The following WRN variants were observed in gnomAD, a reference collection of about 807,000 sequenced individuals.
WRN encodes bifunctional 3'-5' exonuclease/ATP-dependent helicase WRN.
WRN carries 149 observed loss-of-function variants against 180.7 expected under a neutral mutation model. The ratio of observed to expected loss-of-function variants is 0.82; its 90% confidence interval spans 0.72 to 0.94. The LOEUF (loss-of-function observed/expected upper bound fraction) is 0.94, where lower values mean the gene tolerates loss of function less well. Ranked by LOEUF, WRN falls within the 40% of genes least tolerant of loss-of-function variation. The pLI, the probability that WRN is intolerant of heterozygous loss-of-function variation, is 0.00. For missense variants in WRN, 1,661 were observed against 1,700.1 expected (o/e 0.98, Z 0.40); for synonymous variants, 548 against 568.9 (o/e 0.96, Z 0.52).
At chr8:31,128,187 T>C (rs1213959241) in intron 23 of WRN, among the ~76,000 whole-genome samples, 1 of 152,144 alleles carries the variant, frequency 6.6e-6, no homozygotes, top group African/African-American at 2.4e-5. Flanking sequence ...GAGAATTTGA[T>C]ATAATTTTAA....
intron 15 of WRN, 87 bp from the exon 16 acceptor site, chr8:31,091,743 A>T: frequency 7.9e-7 from 1 of 1,258,716 alleles, no homozygotes; most frequent in South Asian, 1.3e-5. Flanking sequence ...ATAAATTATT[A>T]TATTTCTTTA....
At chr8:31,092,093 A>G (rs983057322) in intron 16 of WRN, among the ~76,000 whole-genome samples, 195 bp downstream of exon 16, 1 of 152,108 alleles carries the variant, frequency 6.6e-6, no homozygotes, top group Non-Finnish European at 1.5e-5. Context: ...TGAAAAAAAA[A>G]GTCCATGATT....
intron 6 of WRN, 49 bp downstream of exon 6, chr8:31,067,231 A>T: frequency 6.2e-7 from 1 of 1,602,288 alleles, no homozygotes. Context: ...TAAAAACATT[A>T]TTATAAATGA....
intron 20 of WRN, among the ~76,000 whole-genome samples, chr8:31,117,976 ATCTT>A: frequency 6.6e-6 from 1 of 152,302 alleles, no homozygotes; most frequent in African/African-American, 2.4e-5. Flanking sequence ...GTACTACTGA[ATCTT>A]AATAATCAAT....
intron 3 of WRN, among the ~76,000 whole-genome samples, chr8:31,059,771 T>C (rs1812415926): frequency 6.6e-6 from 1 of 152,136 alleles, no homozygotes; most frequent in African/African-American, 2.4e-5. Flanking sequence ...AACTAAACAT[T>C]AGAGGCCAGG....
intron 23 of WRN, among the ~76,000 whole-genome samples, chr8:31,130,705 A>G (rs1348710354): frequency 6.6e-6 from 1 of 151,926 alleles, no homozygotes; most frequent in African/African-American, 2.4e-5. Flanking sequence ...TATTATTACT[A>G]GAGTAATTTA....
intron 10 of WRN, 133 bp downstream of exon 10, chr8:31,083,912 C>T: frequency 3.1e-6 from 3 of 979,714 alleles, no homozygotes; most frequent in Non-Finnish European, 4.6e-6. Flanking sequence ...TTAGATTTCA[C>T]ATTTTCCAAT....
chr8:31,151,995 G>A (rs574494181), intron 31 of WRN, among the ~76,000 whole-genome samples: 1 of 151,802 alleles, frequency 6.6e-6, no homozygotes, highest in South Asian at 2.1e-4. Flanking sequence ...TAAGATGGCC[G>A]AATAGGAAAA....
chr8:31,165,889 A>G (rs1024285391), intron 33 of WRN, among the ~76,000 whole-genome samples: 4 of 152,106 alleles, frequency 2.6e-5, no homozygotes, highest in Admixed American at 6.5e-5. Flanking sequence ...GACAAATACA[A>G]TTTTAGTTTG....
At chr8:31,049,528 GA>G (rs1812007858) in intron 1 of WRN, among the ~76,000 whole-genome samples, 2 of 148,852 alleles carry the variant, frequency 1.3e-5, no homozygotes, top group South Asian at 4.3e-4. Context: ...AAAAAAAAAA[GA>G]GATGGGTTTT....
chr8:31,106,395 G>A (rs943874339), intron 18 of WRN, among the ~76,000 whole-genome samples: 2 of 151,942 alleles, frequency 1.3e-5, no homozygotes, highest in African/African-American at 2.4e-5. Flanking sequence ...CTAAATAAAG[G>A]CAAAAGTCCT....
chr8:31,081,099 G>C lies in WRN; in HGVS notation c.1072G>C (p.Asp358His). 6.2e-7 allele frequency: 1 copy of C among 1,614,052 alleles called. No homozygotes were observed. The highest frequency in any genetic ancestry group is 8.5e-7 in the Non-Finnish European group (1 of 1,179,972). Reference sequence around the variant, plus strand: ...AACACTTGATCATTTAGCTAAACATGATGGAGAAGATGTACTTGGAAATAA... The same window carrying C: ...AACACTTGATCATTTAGCTAAACATCATGGAGAAGATGTACTTGGAAATAA... ...DPTLDHLAKHDGEDVLGNKVE... is the reference protein window; with the variant it reads ...DPTLDHLAKHHGEDVLGNKVE... The change falls in exon 9 of 35, where the codon GAT (aspartate) becomes CAT (histidine). Residue 358 changes from aspartate (D) to histidine (H), a missense_variant. Coordinates refer to ENST00000298139, the MANE Select transcript of WRN (RefSeq NM_000553.6).
rs942177812 is a variant in WRN, at chr8:31,091,901, G to C, written c.1898+3G>C. 3 of 1,612,488 alleles carry C rather than the reference G, an allele frequency of 1.9e-6. No individual in the cohort carries two copies. Among genetic ancestry groups the C allele is most frequent in the Non-Finnish European group, 1.7e-6 (2 of 1,179,040 alleles). On this transcript the variant is annotated splice_donor_region_variant and intron_variant, in intron 16 of 34. Transcript: ENST00000298139. ...AATGTTCTAACAGATATTAAATTGT[G>C]AGTAATTTTTTTCCCTCAACTTTTA...
At position 31,049,251 on chromosome 8, in the gene WRN, C is replaced by T. The variant is rs1194037787; in HGVS notation, c.-76-9121C>T. On this transcript the variant is annotated intron_variant, in intron 1 of 34. Coordinates refer to ENST00000298139, the MANE Select transcript of WRN (RefSeq NM_000553.6). ...AAAAAAAAAAAAGAAAGAAAATAGG[C>T]CCAGCAAGGTAGCTCACGCCTGTAA... Among the ~76,000 whole-genome samples, 11 of 144,306 alleles carry T rather than the reference C, an allele frequency of 7.6e-5. No individual in the cohort carries two copies. In the Admixed American group the frequency reaches 7.8e-4, roughly 10 times the overall value. The allele number at this position is 144,306 out of a possible 152,430, so 94.7% of individuals were successfully genotyped here. A position where few individuals can be genotyped will look rare whatever the true frequency, so the allele number is the denominator to read the frequency against.
intron 28 of WRN, among the ~76,000 whole-genome samples, chr8:31,145,726 C>A (rs904387084): frequency 2.0e-5 from 3 of 151,854 alleles, no homozygotes; most frequent in Non-Finnish European, 4.4e-5. Flanking sequence ...TCCAGAAAAC[C>A]TTCTGGAAAA....
chr8:31,160,596 G>A (rs137866337), intron 33 of WRN, among the ~76,000 whole-genome samples: 43 of 152,280 alleles, frequency 2.8e-4, no homozygotes, highest in African/African-American at 8.9e-4. Context: ...TCATCGTGTG[G>A]AATTTTTCTT....
chr8:31,069,514 C>A (rs1001336659), intron 7 of WRN, among the ~76,000 whole-genome samples: 1 of 152,148 alleles, frequency 6.6e-6, no homozygotes, highest in African/African-American at 2.4e-5. Flanking sequence ...GAATTTCTTG[C>A]ATGGAGTACC....
rs546715771 is a variant in WRN at position 31,126,665 on chromosome 8, A to G, written c.2825+1665A>G. On this transcript the variant is annotated intron_variant, in intron 23 of 34. Transcript: ENST00000298139. ...GTCAATGAATAGAAAAGCTATGGTC[A>G]TACCACTGCTGTCCAGCCTGGGTGA... Among the ~76,000 whole-genome samples, 6 of 152,324 alleles carry G rather than the reference A, an allele frequency of 3.9e-5. No homozygotes were observed. In the East Asian group the frequency reaches 7.7e-4, roughly 20 times the overall value.
At chr8:31,125,075 TG>T in intron 23 of WRN, 75 bp downstream of exon 23, 2 of 1,389,642 alleles carry the variant, frequency 1.4e-6, no homozygotes, top group Non-Finnish European at 2.0e-6. Context: ...ACTGAATTTT[TG>T]TTGAATGATA....
Sources: allele counts gnomAD v4.1 joint callset (sites outside exome capture counted in the v4.1 genomes callset), GRCh38; gene constraint gnomAD v4.1.1; transcripts MANE v1.5; gene names NCBI Gene and HGNC (gene_info 2026-07-23, HGNC 2026-07-21).